The following ZNF423 variants were observed in gnomAD, a reference collection of about 807,000 sequenced individuals.
ZNF423 encodes zinc finger protein 423.
Under a neutral mutation model 95.8 loss-of-function variants are expected in ZNF423, and 12 were observed. The ratio of observed to expected loss-of-function variants is 0.13; its 90% CI spans 0.08 to 0.20. The LOEUF (loss-of-function observed/expected upper bound fraction) is 0.20. ZNF423 is among the 10% of genes least tolerant of loss of function. The probability of loss-of-function intolerance (pLI) is 1.00; values close to 1 mark genes in which losing one functional copy is unlikely to be tolerated. For missense variants in ZNF423, 1,316 were observed against 1,737.1 expected (o/e 0.76, Z 4.31); for synonymous variants, 749 against 711.9 (o/e 1.05, Z -0.83).
intron 3 of ZNF423, among the ~76,000 whole-genome samples, chr16:49,730,322 C>G (rs2033130943): frequency 6.6e-6 from 1 of 152,210 alleles, no homozygotes; most frequent in Admixed American, 6.5e-5. Flanking sequence ...GGAAACAGGT[C>G]CCTTTTTCAC....
At chr16:49,821,785 C>A (rs1372655389) in intron 1 of ZNF423, among the ~76,000 whole-genome samples, 1 of 152,120 alleles carries the variant, frequency 6.6e-6, no homozygotes, top group South Asian at 2.1e-4. Context: ...CTTCTGTGGG[C>A]CCAGGGAAGG....
intron 5 of ZNF423, among the ~76,000 whole-genome samples, chr16:49,556,664 C>T (rs1969836843): frequency 6.6e-6 from 1 of 152,224 alleles, no homozygotes. Flanking sequence ...TAGCCACCTG[C>T]AGTTACTTCT....
Position 49,753,439 on chromosome 16 carries a change from A to G in ZNF423, c.101-22468T>C, listed in dbSNP as rs1014096663. Reference sequence around the variant, plus strand: ...CAACATAGCAAGACCCTGTCTACAGAAAAAAAAAAAAAAATTAGCCAGGCG... The same window carrying G: ...CAACATAGCAAGACCCTGTCTACAGGAAAAAAAAAAAAAATTAGCCAGGCG... On this transcript the variant is annotated intron_variant, in intron 2 of 7. Coordinates refer to ENST00000563137, the MANE Select transcript of ZNF423 (RefSeq NM_001379286.1). Among the ~76,000 whole-genome samples, 320 of 42,272 alleles carry G rather than the reference A, an allele frequency of 7.6e-3. 2 individuals are homozygous for G. The highest frequency in any genetic ancestry group is 0.027 in the African/African-American group (299 of 11,250). The allele number at this position is 42,272 out of a possible 152,430, so 27.7% of individuals were successfully genotyped here.
chr16:49,658,903 C>T (rs2030043799), intron 3 of ZNF423, among the ~76,000 whole-genome samples: 2 of 152,236 alleles, frequency 1.3e-5, no homozygotes, highest in Admixed American at 1.3e-4. Flanking sequence ...GAGTGGCCAC[C>T]ACCTCCTCCC....
chr16:49,858,896 G>A (rs1286406194), upstream of ZNF423, among the ~76,000 whole-genome samples: 1 of 152,166 alleles, frequency 6.6e-6, no homozygotes, highest in Non-Finnish European at 1.5e-5. This position sits in a 1 kb window ranked among gnomAD's most constrained non-coding sequence, Gnocchi z 4.3. Flanking sequence ...GCGGAGAGTG[G>A]CTGACAGGCG....
rs1162875147 is a variant in ZNF423 at position 49,487,961 on chromosome 16, A to G, written c.*3314T>C. On this transcript the variant is annotated 3_prime_UTR_variant, in exon 8 of 8. Transcript: ENST00000563137. The stretch of plus-strand genomic sequence containing the variant: ...ACGGCACTCATGACCAGGTGTGGCT[A>G]TGCATTTACTGGCATGCTTGCCTGT... 1 of 152,248 alleles carries G rather than the reference A, an allele frequency of 6.6e-6. No homozygotes were observed. The highest frequency in any genetic ancestry group is 1.5e-5 in the Non-Finnish European group (1 of 68,070). 9.4% of individuals were successfully genotyped at this position (152,248 alleles called of 1,614,324 possible). A position where few individuals can be genotyped will look rare whatever the true frequency, so the allele number is the denominator to read the frequency against.
chr16:49,491,120 C>A lies in ZNF423; in HGVS notation c.*155G>T. Reference sequence around the variant, plus strand: ...TAATCTCTGCCATTAATATTCATTTCCAGCTGCTTATAATAGCAGCGCCTC... The same window carrying A: ...TAATCTCTGCCATTAATATTCATTTACAGCTGCTTATAATAGCAGCGCCTC... On this transcript the variant is annotated 3_prime_UTR_variant, in exon 8 of 8. Coordinates refer to ENST00000563137, the MANE Select transcript of ZNF423 (RefSeq NM_001379286.1). 1.2e-6 allele frequency: 1 copy of A among 810,738 alleles called. No individual in the cohort carries two copies. The highest frequency in any genetic ancestry group is 1.5e-5 in the South Asian group (1 of 67,922). 50.2% of individuals were successfully genotyped at this position (810,738 alleles called of 1,614,324 possible). A position where few individuals can be genotyped will look rare whatever the true frequency, so the allele number is the denominator to read the frequency against.
At chr16:49,697,216 C>T (rs1054485889) in intron 3 of ZNF423, among the ~76,000 whole-genome samples, 2 of 152,164 alleles carry the variant, frequency 1.3e-5, no homozygotes, top group Non-Finnish European at 2.9e-5. Flanking sequence ...GTCCCTAACC[C>T]ACCAGGTCCT....
chr16:49,523,923 C>T (rs535070341), intron 6 of ZNF423, among the ~76,000 whole-genome samples, 184 bp from the exon 7 acceptor site: 20 of 152,278 alleles, frequency 1.3e-4, no homozygotes, highest in African/African-American at 3.1e-4. Flanking sequence ...AGCTGAGCTC[C>T]GGTACTTAGT....
rs1555516025 is a variant in ZNF423, at chr16:49,638,485, T to C, written c.691A>G (p.Lys231Glu). The change falls in exon 4 of 8, where the codon AAG becomes GAG. Residue 231 changes from lysine to glutamate, a missense_variant. This residue lies in a region of ZNF423 where 399 missense variants were observed against 478.5 expected (regional missense o/e 0.83). Coordinates refer to ENST00000563137, the MANE Select transcript of ZNF423 (RefSeq NM_001379286.1). This position sits in a 1 kb window ranked among gnomAD's most constrained non-coding sequence, Gnocchi z 5.6. ...LKTHSSSKPF[K>E]CTVCKRGFSS... ...AAGCCGCGCTTGCACACAGTGCACT[T>C]GAAGGGCTTGCTGGAGCTGTGGGTC... The C allele has an allele frequency of 6.2e-7, 1 of 1,613,708 alleles. No homozygotes were observed. Among genetic ancestry groups the C allele is most frequent in the African/African-American group, 1.3e-5 (1 of 74,916 alleles).
At chr16:49,768,193 C>A (rs1351932754) in intron 2 of ZNF423, among the ~76,000 whole-genome samples, 1 of 152,224 alleles carries the variant, frequency 6.6e-6, no homozygotes, top group Non-Finnish European at 1.5e-5. Flanking sequence ...CTCCCAGACA[C>A]CACCTCTGCT....
chr16:49,770,528 G>C (rs376323853), intron 2 of ZNF423, among the ~76,000 whole-genome samples: 1 of 152,134 alleles, frequency 6.6e-6, no homozygotes, highest in African/African-American at 2.4e-5. Flanking sequence ...GCATGTGGTC[G>C]TCATAGGCTC....
chr16:49,653,379 G>A (rs1485019636), intron 3 of ZNF423, among the ~76,000 whole-genome samples: 4 of 151,178 alleles, frequency 2.6e-5, no homozygotes, highest in East Asian at 2.0e-4. Context: ...TCCAGCCGCC[G>A]GAGGGAACAG....
intron 1 of ZNF423, among the ~76,000 whole-genome samples, chr16:49,835,234 GC>G (rs1389196020): frequency 1.3e-5 from 2 of 152,132 alleles, no homozygotes; most frequent in Admixed American, 1.3e-4. Context: ...ATCAGTGCTG[GC>G]CCCCTGGCTC....
At chr16:49,817,086 G>A (rs537443067) in intron 1 of ZNF423, among the ~76,000 whole-genome samples, 1 of 152,310 alleles carries the variant, frequency 6.6e-6, no homozygotes, top group South Asian at 2.1e-4. Context: ...CTTTCCAGCA[G>A]AGAAGCATCG....
intron 2 of ZNF423, among the ~76,000 whole-genome samples, chr16:49,734,527 G>A (rs1426776346): frequency 6.6e-6 from 1 of 152,228 alleles, no homozygotes; most frequent in Non-Finnish European, 1.5e-5. Flanking sequence ...CAGGGCTGGG[G>A]AGGGCTTCCC....
intron 2 of ZNF423, among the ~76,000 whole-genome samples, chr16:49,780,819 A>G (rs918077137): frequency 6.6e-6 from 1 of 152,252 alleles, no homozygotes; most frequent in Non-Finnish European, 1.5e-5. Context: ...GGCCCCATAT[A>G]AAAATGCATT....
intron 1 of ZNF423, among the ~76,000 whole-genome samples, chr16:49,852,238 C>T (rs956755084): frequency 2.0e-5 from 3 of 151,216 alleles, no homozygotes; most frequent in Non-Finnish European, 4.4e-5. Context: ...TACTTTGGGA[C>T]GTTGGGGTGG....
intron 5 of ZNF423, among the ~76,000 whole-genome samples, chr16:49,533,424 C>T (rs138786786): frequency 2.6e-4 from 39 of 152,346 alleles, no homozygotes; most frequent in African/African-American, 9.4e-4. Flanking sequence ...AAGCCTGTCT[C>T]CAGGACACAG....
Sources: gnomAD v4.1 joint callset for allele counts (sites outside exome capture counted in the v4.1 genomes callset) on GRCh38, gnomAD v4.1.1 for gene constraint, gnomAD v4.1.1 regional missense constraint, Gnocchi (gnomAD v3.1) non-coding constraint, MANE v1.5 for transcripts, NCBI Gene and HGNC (gene_info 2026-07-23, HGNC 2026-07-21) for gene names.